Variants in FRK observed in about 807,000 individuals in gnomAD.
FRK encodes fyn related Src family tyrosine kinase.
In FRK, 51 loss-of-function variants were observed where a neutral mutation model predicts 56.4. The ratio of observed to expected loss-of-function variants is 0.90; its 90% CI spans 0.72 to 1.14. The LOEUF is 1.14. FRK is among the 50% of genes most tolerant of loss of function. The pLI is 0.00. For synonymous variants in FRK, 245 were observed against 217.9 expected (o/e 1.12, Z -1.10); for missense variants, 570 against 601.4 (o/e 0.95, Z 0.55).
At chr6:116,039,623 C>T (rs2114784100) in intron 1 of FRK, 1 of 761,258 alleles carries the variant, frequency 1.3e-6, no homozygotes, top group East Asian at 2.5e-5. Flanking sequence ...CTCATCCAAA[C>T]TGTACCTTCC....
chr6:115,984,727 C>T (rs1368190175), intron 2 of FRK, among the ~76,000 whole-genome samples: 5 of 149,468 alleles, frequency 3.3e-5, no homozygotes, highest in Non-Finnish European at 7.4e-5. Context: ...TTTCCCTCTG[C>T]CATTCACACA....
rs1390119616 is a variant in FRK at position 115,933,198 on chromosome 6, A to T, written c.*9216T>A. ...ATTCTTAGGGTTTCTGTCAAAAGAG[A>T]TTTGAAATACAACATGAAATGATGT... On this transcript the variant is annotated 3_prime_UTR_variant, in exon 8 of 8. Transcript: ENST00000606080. 2 of 152,178 alleles carry T rather than the reference A, an allele frequency of 1.3e-5. No homozygotes were observed. Among genetic ancestry groups the T allele is most frequent in the Non-Finnish European group, 2.9e-5 (2 of 68,020 alleles). 9.4% of individuals were successfully genotyped at this position (152,178 alleles called of 1,614,324 possible).
intron 5 of FRK, among the ~76,000 whole-genome samples, chr6:115,954,898 C>T (rs1772924954): frequency 6.6e-6 from 1 of 152,110 alleles, no homozygotes; most frequent in Non-Finnish European, 1.5e-5. Context: ...ACCAGCCAAC[C>T]TATTTTGCAA....
In FRK at chr6:116,060,140, C is replaced by A. The variant is rs1385049797; in HGVS notation, c.172G>T (p.Ala58Ser). ...CCTGCTCGGAAGCTCAAGTCCTCAG[C>A]AGTCCGAGCCTGGTAATCAAACAAA... ...VALFDYQART[A>S]EDLSFRAGDK... is the part of the protein sequence containing the mutation. Residue 58 changes from alanine (A) to serine (S), a missense_variant, in exon 1 of 8, where the codon GCT (alanine) becomes TCT (serine). Transcript: ENST00000606080. 2.5e-6 allele frequency: 4 copies of A among 1,614,076 alleles called. No homozygotes were observed. Among genetic ancestry groups the A allele is most frequent in the African/African-American group, 1.3e-5 (1 of 74,926 alleles).
intron 4 of FRK, among the ~76,000 whole-genome samples, 153 bp from the exon 5 acceptor site, chr6:115,956,763 G>A (rs1363708200): frequency 6.6e-6 from 1 of 152,170 alleles, no homozygotes; most frequent in Non-Finnish European, 1.5e-5. Context: ...AAGAGAATCA[G>A]TTCAGCCAGA....
At chr6:116,021,298 C>T (rs138347374) in intron 1 of FRK, among the ~76,000 whole-genome samples, 15 of 151,890 alleles carry the variant, frequency 9.9e-5, no homozygotes, top group Middle Eastern at 3.4e-3. Flanking sequence ...TTCCTAAGCA[C>T]GCCATACATC....
At chr6:115,943,636 C>T (rs1343854155) in intron 6 of FRK, among the ~76,000 whole-genome samples, 1 of 151,794 alleles carries the variant, frequency 6.6e-6, no homozygotes, top group Non-Finnish European at 1.5e-5. Flanking sequence ...TATAAACTCA[C>T]TGGGGTACTA....
chr6:116,014,371 G>T (rs1775573111), intron 1 of FRK, among the ~76,000 whole-genome samples: 1 of 152,078 alleles, frequency 6.6e-6, no homozygotes, highest in African/African-American at 2.4e-5. Context: ...ATCATCAACA[G>T]TGTGTAGTAG....
intron 2 of FRK, among the ~76,000 whole-genome samples, chr6:115,992,059 C>G (rs1236371100): frequency 6.6e-6 from 1 of 151,578 alleles, no homozygotes; most frequent in Non-Finnish European, 1.5e-5. Context: ...TTCTCTCTCT[C>G]TTTTTGTTTC....
intron 1 of FRK, among the ~76,000 whole-genome samples, chr6:116,021,534 T>A (rs1049064076): frequency 6.6e-6 from 1 of 152,106 alleles, no homozygotes; most frequent in Non-Finnish European, 1.5e-5. Context: ...AGTAGGAGTT[T>A]GACTTGACAA....
At chr6:116,088,479 G>A in the FRK span, among the ~76,000 whole-genome samples, 2 of 152,180 alleles carry the variant, frequency 1.3e-5, no homozygotes, top group African/African-American at 4.8e-5. Context: ...GGGCAAGGAA[G>A]TTGAAAACAA....
chr6:116,056,891 T>C (rs1005961256), intron 1 of FRK, among the ~76,000 whole-genome samples: 2 of 152,214 alleles, frequency 1.3e-5, no homozygotes, highest in African/African-American at 4.8e-5. Context: ...TGGAAGATAT[T>C]CAGTAAAGGT....
intron 2 of FRK, among the ~76,000 whole-genome samples, chr6:115,991,393 T>C (rs1282543369): frequency 6.6e-6 from 1 of 151,948 alleles, no homozygotes; most frequent in Non-Finnish European, 1.5e-5. Context: ...TTCAGTATGA[T>C]GTTGGCTGTG....
intron 1 of FRK, among the ~76,000 whole-genome samples, chr6:116,033,768 T>C (rs542252615): frequency 6.6e-6 from 1 of 152,226 alleles, no homozygotes; most frequent in South Asian, 2.1e-4. Flanking sequence ...ATTTTAATTT[T>C]TTGGCATTTT....
intron 2 of FRK, among the ~76,000 whole-genome samples, chr6:115,979,469 T>C (rs1774116991): frequency 6.6e-6 from 1 of 152,170 alleles, no homozygotes; most frequent in Admixed American, 6.6e-5. Context: ...TTTTTTAAAA[T>C]TAAAAAATGT....
intron 1 of FRK, among the ~76,000 whole-genome samples, chr6:116,011,224 A>G (rs928909796): frequency 6.6e-6 from 1 of 152,210 alleles, no homozygotes; most frequent in Non-Finnish European, 1.5e-5. Flanking sequence ...ATTTCATCTA[A>G]TAGAATCTTA....
intron 1 of FRK, among the ~76,000 whole-genome samples, chr6:116,009,372 C>T (rs1040591856): frequency 6.6e-6 from 1 of 152,170 alleles, no homozygotes; most frequent in Admixed American, 6.5e-5. Flanking sequence ...GTGGGCCCAA[C>T]AATCTGGGGT....
chr6:115,948,375 A>G (rs1248592313), intron 5 of FRK, among the ~76,000 whole-genome samples: 1 of 152,204 alleles, frequency 6.6e-6, no homozygotes, highest in East Asian at 1.9e-4. Flanking sequence ...CTGCAGCCTT[A>G]TAAGAGGACC....
chr6:116,059,962 A>G lies in FRK; in HGVS notation c.344+6T>C. The G allele has an allele frequency of 1.2e-6, 2 of 1,609,824 alleles. No homozygotes were observed. Among genetic ancestry groups the G allele is most frequent in the African/African-American group, 1.3e-5 (1 of 74,896 alleles). On this transcript the variant is annotated splice_donor_region_variant and intron_variant, in intron 1 of 7. Coordinates refer to ENST00000606080, the MANE Select transcript of FRK (RefSeq NM_002031.3). ...CAGAAATTAAGTATAAGTTTGTACT[A>G]CTCACGGCTCTGCCTGTAGGCTTCT...
Sources: allele counts gnomAD v4.1 joint callset (sites outside exome capture counted in the v4.1 genomes callset), GRCh38; gene constraint gnomAD v4.1.1; transcripts MANE v1.5; gene names NCBI Gene and HGNC (gene_info 2026-07-23, HGNC 2026-07-21).